Variants in PRKG1 observed in about 807,000 individuals in gnomAD.
The protein encoded by PRKG1 is cGMP-dependent protein kinase 1.
A neutral mutation model predicts 88.1 loss-of-function variants in PRKG1; 35 were observed. The observed-to-expected ratio is 0.40, with a 90% CI of 0.30 to 0.53. The LOEUF (loss-of-function observed/expected upper bound fraction) is 0.53, where lower values mean the gene tolerates loss of function less well. Among genes scored for constraint, PRKG1 ranks in the 20% least tolerant of loss-of-function variants. The probability of loss-of-function intolerance (pLI) is 0.59; values close to 1 mark genes in which losing one functional copy is unlikely to be tolerated. For missense variants in PRKG1, 540 were observed against 839.8 expected (o/e 0.64, Z 4.41); for synonymous variants, 303 against 292.5 (o/e 1.04, Z -0.37).
At chr10:51,697,789 A>G in intron 3 of PRKG1, 1 of 1,614,184 alleles carries the variant, frequency 6.2e-7, no homozygotes. Context: ...TCTGATCTGC[A>G]GTCAGTTGAA....
chr10:51,152,668 C>T (rs1846103215), intron 1 of PRKG1, among the ~76,000 whole-genome samples: 1 of 151,826 alleles, frequency 6.6e-6, no homozygotes, highest in South Asian at 2.1e-4. Flanking sequence ...TTAAGTCTAG[C>T]AGAAGAGGCA....
intron 6 of PRKG1, among the ~76,000 whole-genome samples, chr10:52,058,781 C>T (rs1315818856): frequency 1.3e-5 from 2 of 151,738 alleles, no homozygotes; most frequent in Non-Finnish European, 2.9e-5. Flanking sequence ...CCAGCACAAT[C>T]CATAAAGAAA....
intron 8 of PRKG1, among the ~76,000 whole-genome samples, chr10:52,153,891 A>T (rs775740875): frequency 2.0e-5 from 3 of 151,988 alleles, no homozygotes; most frequent in Non-Finnish European, 2.9e-5. Context: ...GATTACAGGC[A>T]TGGACTACCA....
At chr10:51,078,550 C>T (rs576626149) in intron 1 of PRKG1, among the ~76,000 whole-genome samples, 15 of 150,412 alleles carry the variant, frequency 1.0e-4, no homozygotes, top group Non-Finnish European at 1.6e-4. Context: ...TTTTTCATTG[C>T]GAAGTACTTT....
At chr10:51,119,581 T>A (rs961748520) in intron 1 of PRKG1, among the ~76,000 whole-genome samples, 3 of 152,034 alleles carry the variant, frequency 2.0e-5, no homozygotes, top group Admixed American at 6.6e-5. Context: ...CACTTTCTAC[T>A]CTAATTTAAT....
At chr10:51,542,393 C>T (rs1187320398) in intron 3 of PRKG1, among the ~76,000 whole-genome samples, 3 of 151,982 alleles carry the variant, frequency 2.0e-5, no homozygotes, top group African/African-American at 7.3e-5. Context: ...TTACTATTAC[C>T]CTTGTTTTTA....
chr10:51,654,774 AT>A (rs35984532), intron 3 of PRKG1, among the ~76,000 whole-genome samples: 1 of 152,156 alleles, frequency 6.6e-6, no homozygotes, highest in Non-Finnish European at 1.5e-5. Context: ...ATAATTCCAA[AT>A]TTTTTGATTA....
intron 1 of PRKG1, among the ~76,000 whole-genome samples, chr10:51,094,147 C>T (rs188901615): frequency 1.3e-5 from 2 of 151,994 alleles, no homozygotes; most frequent in Admixed American, 6.6e-5. Context: ...ATTAGAAATA[C>T]ATATGTAAAG....
At chr10:51,468,674 G>T (rs1839970444) in intron 3 of PRKG1, among the ~76,000 whole-genome samples, 1 of 151,756 alleles carries the variant, frequency 6.6e-6, no homozygotes, top group Admixed American at 6.6e-5. Context: ...TCCTGTGGTT[G>T]ATTTCAGTCA....
intron 8 of PRKG1, among the ~76,000 whole-genome samples, chr10:52,134,757 A>C (rs889609253): frequency 1.6e-4 from 24 of 152,116 alleles, no homozygotes; most frequent in African/African-American, 5.6e-4. Context: ...TTAGCCTAGA[A>C]TGATGGAGCT....
chr10:51,394,502 C>T (rs7912342), intron 2 of PRKG1, among the ~76,000 whole-genome samples: 3 of 152,038 alleles, frequency 2.0e-5, no homozygotes, highest in African/African-American at 7.3e-5. Context: ...TAGCAAGCAA[C>T]AGGAAAAACC....
At chr10:51,653,266 A>G (rs1049767452) in intron 3 of PRKG1, among the ~76,000 whole-genome samples, 28 of 151,800 alleles carry the variant, frequency 1.8e-4, no homozygotes, top group African/African-American at 6.5e-4. Context: ...TCTATTTTTA[A>G]TTTTTTTTAG....
At chr10:51,782,458 C>T (rs959314180) in intron 3 of PRKG1, among the ~76,000 whole-genome samples, 8 of 152,136 alleles carry the variant, frequency 5.3e-5, no homozygotes, top group Non-Finnish European at 4.4e-5. Flanking sequence ...GGTACTTCTA[C>T]TAGTCTAATA....
intron 2 of PRKG1, among the ~76,000 whole-genome samples, chr10:51,194,054 C>T (rs927358001): frequency 6.6e-6 from 1 of 152,102 alleles, no homozygotes. Context: ...AATTCAAATT[C>T]ATTAATTTCA....
chr10:51,300,374 G>T (rs957348248), intron 2 of PRKG1, among the ~76,000 whole-genome samples: 1 of 151,990 alleles, frequency 6.6e-6, no homozygotes, highest in African/African-American at 2.4e-5. Context: ...TCATAAATTC[G>T]GGATTTATGA....
intron 7 of PRKG1, chr10:52,128,282 T>G: frequency 1.0e-6 from 1 of 985,432 alleles, no homozygotes; most frequent in Non-Finnish European, 1.2e-6. Context: ...GCTCCAGAGC[T>G]GAAAAGGGAG....
intron 3 of PRKG1, among the ~76,000 whole-genome samples, chr10:51,721,233 G>GA (rs1357867444): frequency 7.3e-6 from 1 of 136,866 alleles, no homozygotes. Flanking sequence ...AAAAAAAAAA[G>GA]AAAAAAAAAG....
chr10:51,678,162 A>G (rs948192749), intron 3 of PRKG1, among the ~76,000 whole-genome samples: 9 of 152,166 alleles, frequency 5.9e-5, no homozygotes, highest in African/African-American at 1.9e-4. Context: ...AGAAACAATC[A>G]TTAACAAATA....
upstream of PRKG1, among the ~76,000 whole-genome samples, chr10:51,073,182 G>C (rs1362774246): frequency 1.3e-5 from 2 of 152,206 alleles, no homozygotes; most frequent in Non-Finnish European, 2.9e-5. Flanking sequence ...CACTTGGATA[G>C]AAAGGAAGTT....
Sources: allele counts gnomAD v4.1 joint callset (sites outside exome capture counted in the v4.1 genomes callset), GRCh38; gene constraint gnomAD v4.1.1; transcripts MANE v1.5; gene names NCBI Gene and HGNC (gene_info 2026-07-23, HGNC 2026-07-21).